TTLL4: variants seen among roughly 807,000 people sequenced by gnomAD.
The protein encoded by TTLL4 is tubulin monoglutamylase TTLL4.
Under a neutral mutation model 122.7 loss-of-function variants are expected in TTLL4, and 85 were observed. That is an observed-to-expected ratio of 0.69 (90% CI 0.58 to 0.83). The LOEUF (loss-of-function observed/expected upper bound fraction) is 0.83, where lower values mean the gene tolerates loss of function less well. TTLL4 is among the 40% of genes least tolerant of loss of function. TTLL4 has a pLI of 0.00. For missense variants in TTLL4, 1,363 were observed against 1,488.6 expected (o/e 0.92, Z 1.39); for synonymous variants, 553 against 563.0 (o/e 0.98, Z 0.25).
chr2:218,733,615 T>TA (rs1408962254), intron 2 of TTLL4, among the ~76,000 whole-genome samples: 1 of 152,146 alleles, frequency 6.6e-6, no homozygotes, highest in East Asian at 1.9e-4. Flanking sequence ...ATTGCAGAGA[T>TA]ATGAGATCTG....
rs116377895 is a variant in TTLL4 at position 218,754,376 on chromosome 2, C to A, written c.3587C>A (p.Ala1196Asp). The A allele has an allele frequency of 2.0e-4, 318 of 1,614,204 alleles. No individual in the cohort carries two copies. The African/African-American group carries it at 3.9e-3, about 20-fold the overall frequency. ...TFQSISDSLL[A>D]VSP The stretch of plus-strand genomic sequence containing the variant: ...CAGTCAATCAGTGACTCCCTCCTGG[C>A]TGTGAGCCCATAACTGGCCTCTCTC... Residue 1196 changes from alanine (A) to aspartate (D), a missense_variant, in exon 20 of 20, where the codon GCT (alanine) becomes GAT (aspartate). Around this residue, in one of 3 missense-constraint regions of TTLL4, gnomAD observed 596 missense variants for 655.8 expected, o/e 0.91. Coordinates refer to ENST00000392102, the MANE Select transcript of TTLL4 (RefSeq NM_014640.5).
intron 19 of TTLL4, 121 bp downstream of exon 19, chr2:218,753,790 C>T (rs909322905): frequency 9.2e-6 from 10 of 1,086,498 alleles, no homozygotes; most frequent in African/African-American, 1.5e-5. Context: ...TTGGTGGGAG[C>T]GTCAGGACAT....
In TTLL4 at chr2:218,740,577, A is replaced by C. The variant is rs202117201; in HGVS notation, c.1654A>C (p.Ile552Leu). ...CTCCCCCAGCGAATCGGTGGCCATGATCTCTAGGTAAGTGTGGCTGTATAG... is the reference window on the plus strand; with the variant it reads ...CTCCCCCAGCGAATCGGTGGCCATGCTCTCTAGGTAAGTGTGGCTGTATAG... ...AVSPSESVAM[I>L]SRSCMEILTK... Residue 552 changes from isoleucine (I) to leucine (L), a missense_variant, in exon 5 of 20, where the codon ATC becomes CTC. Around this residue, in one of 3 missense-constraint regions of TTLL4, gnomAD observed 760 missense variants for 808.4 expected, o/e 0.94. Coordinates refer to ENST00000392102, the MANE Select transcript of TTLL4 (RefSeq NM_014640.5). 6.0e-4 allele frequency: 976 copies of C among 1,614,086 alleles called. No homozygotes were observed. Among genetic ancestry groups the C allele is most frequent in the Non-Finnish European group, 8.0e-4 (941 of 1,180,000 alleles).
intron 1 of TTLL4, among the ~76,000 whole-genome samples, chr2:218,726,452 G>A (rs1942196461): frequency 6.6e-6 from 1 of 152,108 alleles, no homozygotes; most frequent in African/African-American, 2.4e-5. Context: ...CTCAAGTTTT[G>A]AAAAGTTTTC....
rs1452808654 is a variant in TTLL4, at chr2:218,754,359, C to T, written c.3570C>T (p.Ile1190=). The T allele has an allele frequency of 6.2e-7, 1 of 1,614,204 alleles. No individual in the cohort carries two copies. The highest frequency in any genetic ancestry group is 8.5e-7 in the Non-Finnish European group (1 of 1,180,048). ...CTGCTTCCTCCACTTTCCAGTCAAT[C>T]AGTGACTCCCTCCTGGCTGTGAGCC... ...RLSASSTFQS[I]SDSLLAVSP The change falls in exon 20 of 20, where the codon ATC becomes ATT. Residue 1190 remains isoleucine (I), a synonymous_variant. Coordinates refer to ENST00000392102, the MANE Select transcript of TTLL4 (RefSeq NM_014640.5).
intron 1 of TTLL4, among the ~76,000 whole-genome samples, chr2:218,716,276 A>G (rs1422566419): frequency 6.6e-6 from 1 of 152,248 alleles, no homozygotes; most frequent in Non-Finnish European, 1.5e-5. Flanking sequence ...TTGCCAAATA[A>G]TGACGTCGGA....
intron 12 of TTLL4, 120 bp downstream of exon 12, chr2:218,748,347 T>C (rs1359898545): frequency 7.0e-7 from 1 of 1,430,050 alleles, no homozygotes. Flanking sequence ...AGATAACACT[T>C]ACCAATTCAG....
chr2:218,757,908 C>T (rs1295703595), downstream of TTLL4, among the ~76,000 whole-genome samples: 10 of 152,134 alleles, frequency 6.6e-5, no homozygotes, highest in East Asian at 1.9e-4. Context: ...GACTGTTGTT[C>T]GAATCCCCCA....
Position 218,753,124 on chromosome 2 carries a change from T to G in TTLL4, c.3197T>G (p.Leu1066Arg), listed in dbSNP as rs1355698841. The G allele has an allele frequency of 6.2e-7, 1 of 1,614,058 alleles. No individual in the cohort carries two copies. The highest frequency in any genetic ancestry group is 8.5e-7 in the Non-Finnish European group (1 of 1,180,024). ...YHGNKLKGVD[L>R]LRSWCYKGFH... ...GCTAATCTTGTCCTAGGAGTAGATC[T>G]GCTCCGGAGTTGGTGCTACAAAGGG... is the stretch of plus-strand genomic sequence containing the variant. The change falls in exon 18 of 20, where the codon CTG (leucine) becomes CGG (arginine). Residue 1066 changes from leucine (L) to arginine (R), a missense_variant. Leu to Arg is a moderately radical substitution (Grantham distance 102, BLOSUM62 -2). Around this residue, in one of 3 missense-constraint regions of TTLL4, gnomAD observed 596 missense variants for 655.8 expected, o/e 0.91. Transcript: ENST00000392102.
chr2:218,740,081 A>T lies in TTLL4; in HGVS notation c.1511A>T (p.Asp504Val). 6.2e-7 allele frequency: 1 copy of T among 1,614,212 alleles called. No homozygotes were observed. The highest frequency in any genetic ancestry group is 8.5e-7 in the Non-Finnish European group (1 of 1,180,034). Residue 504 changes from aspartate to valine, a missense_variant, in exon 4 of 20, where the codon GAT becomes GTT. Coordinates refer to ENST00000392102, the MANE Select transcript of TTLL4 (RefSeq NM_014640.5). ...AGTTCAGCTACTGACCTCCAGCCAG[A>T]TCAGGCTGAGACTGAAGATACAGAA... ...DISSATDLQP[D>V]QAETEDTEEE...
rs751144113 is a variant in TTLL4, at chr2:218,738,360, G to A, written c.684G>A (p.Thr228=). The A allele has an allele frequency of 6.2e-6, 10 of 1,614,060 alleles. No individual in the cohort carries two copies. The highest frequency in any genetic ancestry group is 1.1e-5 in the South Asian group (1 of 91,076). The stretch of plus-strand genomic sequence containing the variant: ...ATTCCTTCATGTGGCCAAATAGCAC[G>A]CCAGTGCCTTTATTGCAGACCACAC... The part of the protein sequence containing the change: ...NNNSFMWPNS[T]PVPLLQTTQG... The change falls in exon 3 of 20, where the codon ACG becomes ACA. Residue 228 remains threonine, a synonymous_variant. Coordinates refer to ENST00000392102, the MANE Select transcript of TTLL4 (RefSeq NM_014640.5).
At chr2:218,759,259 A>G (rs983136760), downstream of TTLL4, among the ~76,000 whole-genome samples, 7 of 138,754 alleles carry the variant, frequency 5.0e-5, no homozygotes, top group Non-Finnish European at 1.1e-4. Flanking sequence ...AAATAAATAA[A>G]TAGGAAGAGT....
chr2:218,750,603 CTCTT>C lies in TTLL4; in HGVS notation c.2873+462_2873+465del, dbSNP rs1329438664. Among the ~76,000 whole-genome samples the C allele has an allele frequency of 3.3e-5, 5 of 152,166 alleles. No individual in the cohort carries two copies. The East Asian group carries it at 7.7e-4, about 23-fold the overall frequency. On this transcript the variant is annotated intron_variant, in intron 15 of 19. Transcript: ENST00000392102. ...CAGCTTCCTTTTTCTTGGTGTATCT[CTCTT>C]TCTTCTTCCTCTCCTGGCTCCTGTG...
At chr2:218,725,167 A>G (rs890421576) in intron 1 of TTLL4, among the ~76,000 whole-genome samples, 7 of 152,102 alleles carry the variant, frequency 4.6e-5, no homozygotes, top group African/African-American at 1.7e-4. Context: ...TTGGCCTCCC[A>G]AAGTGCAAGC....
intron 1 of TTLL4, among the ~76,000 whole-genome samples, chr2:218,720,507 T>C (rs542961642): frequency 2.0e-5 from 3 of 152,154 alleles, no homozygotes; most frequent in Non-Finnish European, 4.4e-5. Context: ...AAACCCTGTC[T>C]CTACAAAAAT....
chr2:218,745,881 C>T (rs1942829604), intron 7 of TTLL4, 80 bp downstream of exon 7: 6 of 1,322,554 alleles, frequency 4.5e-6, no homozygotes, highest in Non-Finnish European at 6.5e-6. Flanking sequence ...CTCTAGACAC[C>T]TCGTGCCTAT....
intron 1 of TTLL4, among the ~76,000 whole-genome samples, chr2:218,726,050 T>G (rs1047741814): frequency 3.3e-5 from 5 of 152,170 alleles, no homozygotes; most frequent in Non-Finnish European, 7.4e-5. Flanking sequence ...TGTTAATTTT[T>G]TTTTCCCCTT....
chr2:218,746,630 T>C, intron 8 of TTLL4: 1 of 356,528 alleles, frequency 2.8e-6, no homozygotes, highest in East Asian at 5.5e-5. Flanking sequence ...TCTCCCAAGC[T>C]GAATATGTGT....
chr2:218,736,921 C>T (rs1377801245), intron 2 of TTLL4, among the ~76,000 whole-genome samples: 1 of 150,928 alleles, frequency 6.6e-6, no homozygotes, highest in African/African-American at 2.4e-5. Flanking sequence ...ACCAGCTCAG[C>T]TCACTGCAAC....
Sources: gnomAD v4.1 joint callset for allele counts (sites outside exome capture counted in the v4.1 genomes callset) on GRCh38, gnomAD v4.1.1 for gene constraint, gnomAD v4.1.1 regional missense constraint, MANE v1.5 for transcripts, NCBI Gene and HGNC (gene_info 2026-07-23, HGNC 2026-07-21) for gene names.